Variants in MAPK8 observed in about 807,000 individuals in gnomAD.
MAPK8 encodes JUN N-terminal kinase.
Under a neutral mutation model 52.9 loss-of-function variants are expected in MAPK8, and 13 were observed. That is an observed-to-expected ratio of 0.25 (90% CI 0.16 to 0.39). MAPK8 has a LOEUF of 0.39. Among genes scored for constraint, MAPK8 ranks in the 10% least tolerant of loss-of-function variants. MAPK8 has a pLI of 1.00. For missense variants in MAPK8, 300 were observed against 519.2 expected (o/e 0.58, Z 4.10); for synonymous variants, 191 against 169.8 (o/e 1.12, Z -0.97).
chr10:48,374,800 A>G (rs1396998332), intron 1 of MAPK8, among the ~76,000 whole-genome samples: 1 of 152,234 alleles, frequency 6.6e-6, no homozygotes, highest in African/African-American at 2.4e-5. Flanking sequence ...GTTGAATTCT[A>G]CCAGAGGTAC....
chr10:48,339,626 CAG>C (rs1431709467), intron 1 of MAPK8, among the ~76,000 whole-genome samples: 7 of 152,030 alleles, frequency 4.6e-5, no homozygotes, highest in South Asian at 2.1e-4. Flanking sequence ...ACAGGGTAAA[CAG>C]CGTACAGAAT....
intron 1 of MAPK8, among the ~76,000 whole-genome samples, chr10:48,327,477 C>A (rs1434007682): frequency 6.6e-6 from 1 of 152,138 alleles, no homozygotes; most frequent in Non-Finnish European, 1.5e-5. Context: ...TTATTGGATT[C>A]AATTTACTAA....
chr10:48,424,883 A>G, intron 7 of MAPK8, among the ~76,000 whole-genome samples: 1 of 152,118 alleles, frequency 6.6e-6, no homozygotes, highest in Non-Finnish European at 1.5e-5. Flanking sequence ...ACTTAAGTCT[A>G]GAAATACGTA....
chr10:48,359,862 T>C (rs929685996), intron 1 of MAPK8, among the ~76,000 whole-genome samples: 1 of 152,222 alleles, frequency 6.6e-6, no homozygotes, highest in Non-Finnish European at 1.5e-5. Context: ...GAAAGATTCT[T>C]AATCAAGACA....
intron 1 of MAPK8, among the ~76,000 whole-genome samples, chr10:48,394,732 G>A (rs1255278846): frequency 6.6e-6 from 1 of 151,670 alleles, no homozygotes; most frequent in Non-Finnish European, 1.5e-5. Context: ...TTAGGGCAGT[G>A]GAGCAAGAAA....
intron 1 of MAPK8, among the ~76,000 whole-genome samples, chr10:48,326,144 T>C (rs1843500287): frequency 6.6e-6 from 1 of 152,224 alleles, no homozygotes; most frequent in Non-Finnish European, 1.5e-5. Flanking sequence ...TGCTTCTTGA[T>C]GGCAGAGTAT....
chr10:48,374,097 A>G (rs1460645811), intron 1 of MAPK8, among the ~76,000 whole-genome samples: 1 of 152,208 alleles, frequency 6.6e-6, no homozygotes, highest in African/African-American at 2.4e-5. Context: ...AACTCACTCA[A>G]AAACGCACAA....
At chr10:48,328,380 T>C (rs567422620) in intron 1 of MAPK8, among the ~76,000 whole-genome samples, 3 of 151,762 alleles carry the variant, frequency 2.0e-5, no homozygotes, top group Non-Finnish European at 2.9e-5. Context: ...CTGCTCACTT[T>C]AGGTGTTACT....
intron 1 of MAPK8, among the ~76,000 whole-genome samples, chr10:48,351,741 A>G (rs907884125): frequency 2.0e-5 from 3 of 152,208 alleles, no homozygotes; most frequent in Admixed American, 6.5e-5. Flanking sequence ...TCAGGAGTAA[A>G]ATAAGAGATA....
intron 1 of MAPK8, among the ~76,000 whole-genome samples, chr10:48,389,165 A>G (rs915070766): frequency 6.6e-6 from 1 of 152,138 alleles, no homozygotes; most frequent in Non-Finnish European, 1.5e-5. Context: ...AATACCTAGA[A>G]CTGAAATAGA....
intron 1 of MAPK8, among the ~76,000 whole-genome samples, chr10:48,319,569 A>G (rs1300051815): frequency 6.6e-6 from 1 of 151,970 alleles, no homozygotes; most frequent in African/African-American, 2.4e-5. Context: ...GGCTCTCTAC[A>G]GCCTCCACCT....
intron 1 of MAPK8, among the ~76,000 whole-genome samples, chr10:48,375,626 A>T (rs1352509703): frequency 6.6e-6 from 1 of 152,232 alleles, no homozygotes; most frequent in Non-Finnish European, 1.5e-5. Context: ...GTGAACTCCC[A>T]TTCACAGTTG....
chr10:48,400,941 G>A (rs1369054074), intron 1 of MAPK8, among the ~76,000 whole-genome samples: 1 of 143,654 alleles, frequency 7.0e-6, no homozygotes, highest in Non-Finnish European at 1.5e-5. Flanking sequence ...GGATAGAATA[G>A]TATTGTTTTG....
chr10:48,381,159 T>G (rs2040978347), intron 1 of MAPK8, among the ~76,000 whole-genome samples: 1 of 152,242 alleles, frequency 6.6e-6, no homozygotes, highest in East Asian at 1.9e-4. Context: ...AACCTAATTT[T>G]AATAAAATCT....
intron 1 of MAPK8, among the ~76,000 whole-genome samples, chr10:48,400,381 TTTTG>T (rs1344685571): frequency 2.0e-5 from 3 of 152,202 alleles, no homozygotes; most frequent in Non-Finnish European, 4.4e-5. Context: ...TCCTGTTTAG[TTTTG>T]TTTATTTTTA....
At position 48,425,039 on chromosome 10, in the gene MAPK8, G is replaced by C. The variant is rs1044888122; in HGVS notation, c.689-849G>C. 5 of 602,068 alleles carry C rather than the reference G, an allele frequency of 8.3e-6. No individual in the cohort carries two copies. The African/African-American group carries it at 9.4e-5, about 11-fold the overall frequency. 37.3% of individuals were successfully genotyped at this position (602,068 alleles called of 1,614,324 possible). A position where few individuals can be genotyped will look rare whatever the true frequency, so the allele number is the denominator to read the frequency against. ...ACATAACATACTGACCCTTTCATCTGAGAATTTCAGCAGTAGTAGTTTTGT... is the reference window on the plus strand; with the variant it reads ...ACATAACATACTGACCCTTTCATCTCAGAATTTCAGCAGTAGTAGTTTTGT... On this transcript the variant is annotated intron_variant, in intron 7 of 11. Coordinates refer to ENST00000374189, the MANE Select transcript of MAPK8 (RefSeq NM_001323329.2).
chr10:48,363,714 C>T (rs530466049), intron 1 of MAPK8, among the ~76,000 whole-genome samples: 2 of 152,180 alleles, frequency 1.3e-5, no homozygotes, highest in African/African-American at 2.4e-5. Flanking sequence ...CTAGATGGCT[C>T]AAGTGCACCA....
intron 1 of MAPK8, among the ~76,000 whole-genome samples, chr10:48,330,080 A>T (rs61840556): frequency 0.023 from 3,478 of 152,294 alleles, 55 homozygotes; most frequent in Non-Finnish European, 0.034. Flanking sequence ...ACATGGGTAC[A>T]CACATGTATA....
chr10:48,435,113 ATTT>A lies in MAPK8; in HGVS notation c.*87_*89del. 7.5e-6 allele frequency: 8 copies of A among 1,060,386 alleles called. No homozygotes were observed. The highest frequency in any genetic ancestry group is 1.0e-5 in the Non-Finnish European group (8 of 783,858). 65.7% of individuals were successfully genotyped at this position (1,060,386 alleles called of 1,614,324 possible). On this transcript the variant is annotated 3_prime_UTR_variant, in exon 12 of 12. Transcript: ENST00000374189. The stretch of plus-strand genomic sequence containing the variant: ...ACTTTGAAAACAATTCAGTGGTCTT[ATTT>A]TTGGGTGATTTTTCAAAAAATGTAG...
Sources: allele counts gnomAD v4.1 joint callset (sites outside exome capture counted in the v4.1 genomes callset), GRCh38; gene constraint gnomAD v4.1.1; transcripts MANE v1.5; gene names NCBI Gene and HGNC (gene_info 2026-07-23, HGNC 2026-07-21).